The following NFIB variants were observed in gnomAD, a reference collection of about 807,000 sequenced individuals.
NFIB encodes the protein nuclear factor I B, also known as nuclear factor 1 B-type.
A neutral mutation model predicts 61.5 loss-of-function variants in NFIB; 11 were observed. The ratio of observed to expected loss-of-function variants is 0.18; its 90% CI spans 0.11 to 0.30. The LOEUF (loss-of-function observed/expected upper bound fraction) is 0.30. Ranked by LOEUF, NFIB falls within the 10% of genes least tolerant of loss-of-function variation. The pLI, the probability that NFIB is intolerant of heterozygous loss-of-function variation, is 1.00. For missense variants in NFIB, 471 were observed against 608.9 expected (o/e 0.77, Z 2.38); for synonymous variants, 260 against 216.5 (o/e 1.20, Z -1.76).
chr9:14,144,753 T>A (rs2042106967), intron 6 of NFIB, among the ~76,000 whole-genome samples: 1 of 152,202 alleles, frequency 6.6e-6, no homozygotes, highest in African/African-American at 2.4e-5. Flanking sequence ...AGACAGAATT[T>A]AGACTGAAAT....
chr9:14,472,860 A>T, the NFIB span, among the ~76,000 whole-genome samples: 2 of 152,202 alleles, frequency 1.3e-5, no homozygotes, highest in African/African-American at 2.4e-5. Flanking sequence ...AAAATAAAAA[A>T]AAAAAGGATT....
intron 6 of NFIB, among the ~76,000 whole-genome samples, chr9:14,131,775 T>C (rs1324062418): frequency 6.6e-6 from 1 of 152,188 alleles, no homozygotes; most frequent in Non-Finnish European, 1.5e-5. Flanking sequence ...CCTCAGTCTG[T>C]AGCAGCCTGT....
chr9:14,197,536 T>C (rs569806705), intron 2 of NFIB, among the ~76,000 whole-genome samples: 15 of 152,382 alleles, frequency 9.8e-5, no homozygotes, highest in African/African-American at 3.1e-4. Flanking sequence ...GTGGCAATTA[T>C]ACCCATAACC....
intron 10 of NFIB, among the ~76,000 whole-genome samples, chr9:14,106,014 C>T (rs1006978972): frequency 6.6e-6 from 1 of 152,034 alleles, no homozygotes; most frequent in Non-Finnish European, 1.5e-5. Flanking sequence ...TTAAGTGGCA[C>T]ATAAATACAT....
the NFIB span, among the ~76,000 whole-genome samples, chr9:14,440,554 A>G: frequency 0.52 from 79,291 of 152,094 alleles, 22,543 homozygotes; most frequent in African/African-American, 0.75. Flanking sequence ...TCCTGATTAA[A>G]GCGGGGCTAT....
chr9:14,498,964 G>A, the NFIB span, among the ~76,000 whole-genome samples: 1 of 151,982 alleles, frequency 6.6e-6, no homozygotes, highest in Non-Finnish European at 1.5e-5. Context: ...ACAGTTGAAG[G>A]CTATGTATGG....
At chr9:14,480,055 G>C in the NFIB span, among the ~76,000 whole-genome samples, 1 of 151,356 alleles carries the variant, frequency 6.6e-6, no homozygotes, top group East Asian at 1.9e-4. Flanking sequence ...TTTGTTTTTT[G>C]TTTTTTTTAA....
chr9:14,204,924 A>T (rs1280818245), intron 2 of NFIB: 2 of 353,194 alleles, frequency 5.7e-6, no homozygotes, highest in African/African-American at 4.3e-5. Context: ...ACCAATTACA[A>T]CGACAGAGCC....
intron 2 of NFIB, among the ~76,000 whole-genome samples, chr9:14,292,966 AAAG>A (rs2059198591): frequency 6.6e-6 from 1 of 151,494 alleles, no homozygotes; most frequent in South Asian, 2.1e-4. Flanking sequence ...AAATTAAAAG[AAAG>A]AATAGAGTAA....
the NFIB span, among the ~76,000 whole-genome samples, chr9:14,525,671 T>C: frequency 1.3e-5 from 2 of 152,106 alleles, no homozygotes; most frequent in East Asian, 3.9e-4. Context: ...GAGAAAATAT[T>C]TCAGGAGTCT....
chr9:14,389,211 C>T (rs1328971480), intron 1 of NFIB, among the ~76,000 whole-genome samples: 1 of 152,134 alleles, frequency 6.6e-6, no homozygotes, highest in Non-Finnish European at 1.5e-5. Context: ...TGAGAACTTT[C>T]CTTCTGTCAC....
chr9:14,218,717 T>C (rs1039809922), intron 2 of NFIB, among the ~76,000 whole-genome samples: 3 of 152,196 alleles, frequency 2.0e-5, no homozygotes, highest in African/African-American at 4.8e-5. Context: ...AATGTACTCT[T>C]TTCCCCAGGA....
chr9:14,175,995 G>A (rs2046147349), intron 3 of NFIB, among the ~76,000 whole-genome samples: 1 of 152,112 alleles, frequency 6.6e-6, no homozygotes, highest in African/African-American at 2.4e-5. Flanking sequence ...GATTGAGATT[G>A]GGAAATCTTA....
intron 1 of NFIB, among the ~76,000 whole-genome samples, chr9:14,367,759 C>T (rs545165938): frequency 2.0e-4 from 30 of 152,276 alleles, no homozygotes; most frequent in Non-Finnish European, 3.7e-4. Flanking sequence ...AACCATCATT[C>T]TCAGCAGACT....
chr9:14,415,370 C>CTT, the NFIB span, among the ~76,000 whole-genome samples: 2 of 152,198 alleles, frequency 1.3e-5, no homozygotes, highest in African/African-American at 4.8e-5. Context: ...CAACACATGA[C>CTT]TTATACCATA....
chr9:14,333,947 T>C (rs575340591), intron 1 of NFIB, among the ~76,000 whole-genome samples: 33 of 152,348 alleles, frequency 2.2e-4, no homozygotes, highest in African/African-American at 7.2e-4. Context: ...GTTTTGAACT[T>C]TACATAAGAA....
intron 2 of NFIB, among the ~76,000 whole-genome samples, chr9:14,213,306 T>G (rs1020569839): frequency 6.8e-6 from 1 of 147,392 alleles, no homozygotes; most frequent in Admixed American, 6.6e-5. Context: ...AGGTTGATCT[T>G]TGGAAAGTTA....
the NFIB span, among the ~76,000 whole-genome samples, chr9:14,474,524 T>C: frequency 6.6e-6 from 1 of 152,206 alleles, no homozygotes; most frequent in Admixed American, 6.5e-5. Context: ...CTCCCATTTG[T>C]TCCATCCTAA....
At chr9:14,278,694 T>A (rs1023658534) in intron 2 of NFIB, among the ~76,000 whole-genome samples, 1 of 152,150 alleles carries the variant, frequency 6.6e-6, no homozygotes, top group African/African-American at 2.4e-5. Flanking sequence ...GACTGTTTTG[T>A]GGGGAATTTA....
Sources: allele counts gnomAD v4.1 joint callset (sites outside exome capture counted in the v4.1 genomes callset), GRCh38; gene constraint gnomAD v4.1.1; transcripts MANE v1.5; gene names NCBI Gene and HGNC (gene_info 2026-07-23, HGNC 2026-07-21).